The following C7 variants were observed in gnomAD, a reference collection of about 807,000 sequenced individuals.
C7 encodes the protein complement component C7.
A neutral mutation model predicts 104.8 loss-of-function variants in C7; 83 were observed. The observed-to-expected ratio is 0.79, with a 90% confidence interval of 0.66 to 0.95. The LOEUF (loss-of-function observed/expected upper bound fraction) is 0.95, where lower values mean the gene tolerates loss of function less well. C7 is among the 40% of genes least tolerant of loss of function. The pLI is 0.00. For missense variants in C7, 1,070 were observed against 1,011.2 expected (o/e 1.06, Z -0.79); for synonymous variants, 415 against 360.6 (o/e 1.15, Z -1.71).
At chr5:40,981,282 G>C in intron 17 of C7, 110 bp from the exon 18 acceptor site, 1 of 1,042,302 alleles carries the variant, frequency 9.6e-7, no homozygotes, top group Middle Eastern at 2.5e-4. Context: ...TGTCATTCCA[G>C]GCAGGAGCTT....
In C7 at chr5:40,934,307, T is replaced by G. The variant is rs1579847395; in HGVS notation, c.139-18T>G. On this transcript the variant is annotated intron_variant, in intron 3 of 17. Coordinates refer to ENST00000313164, the MANE Select transcript of C7 (RefSeq NM_000587.4). ...ACAAACAAATAAACAAACAAACCAC[T>G]GCCTGCTTTGTGTTTAGACTCGCAG... The G allele has an allele frequency of 6.4e-7, 1 of 1,557,940 alleles. No homozygotes were observed. Among genetic ancestry groups the G allele is most frequent in the South Asian group, 1.2e-5 (1 of 80,114 alleles).
At chr5:40,974,695 G>T (rs1194601964) in intron 15 of C7, among the ~76,000 whole-genome samples, 1 of 152,178 alleles carries the variant, frequency 6.6e-6, no homozygotes, top group East Asian at 1.9e-4. Flanking sequence ...TGGGATTACA[G>T]GCGTGAGCCA....
At chr5:40,946,156 T>TAA (rs903075926) in intron 7 of C7, among the ~76,000 whole-genome samples, 64 of 152,104 alleles carry the variant, frequency 4.2e-4, no homozygotes, top group African/African-American at 1.4e-3. Flanking sequence ...TAAAATACTT[T>TAA]AAAAACACTT....
chr5:40,921,567 C>T (rs761068172), intron 1 of C7, among the ~76,000 whole-genome samples: 4 of 148,070 alleles, frequency 2.7e-5, no homozygotes, highest in Non-Finnish European at 6.0e-5. Flanking sequence ...AAAGCTACAA[C>T]AAAAGTAGAT....
intron 4 of C7, among the ~76,000 whole-genome samples, chr5:40,935,181 G>A (rs954717887): frequency 1.3e-5 from 2 of 152,160 alleles, no homozygotes; most frequent in Non-Finnish European, 2.9e-5. Context: ...CCTTCAGGAA[G>A]CCTGCCCTAA....
Position 40,981,636 on chromosome 5 carries a change from A to G in C7, c.*63A>G, listed in dbSNP as rs1444280618. 3 of 1,420,708 alleles carry G rather than the reference A, an allele frequency of 2.1e-6. No individual in the cohort carries two copies. The highest frequency in any genetic ancestry group is 1.4e-5 in the African/African-American group (1 of 70,502). The allele number at this position is 1,420,708 out of a possible 1,614,324, so 88.0% of individuals were successfully genotyped here. A position where few individuals can be genotyped will look rare whatever the true frequency, so the allele number is the denominator to read the frequency against. On this transcript the variant is annotated 3_prime_UTR_variant, in exon 18 of 18. Transcript: ENST00000313164. The stretch of plus-strand genomic sequence containing the variant: ...CAGGCAGCTGGGGCTGAGTGAAAAC[A>G]TCTGCACAACTGGGCACTGGACAGC...
chr5:40,943,808 A>G (rs1484810230), intron 6 of C7, among the ~76,000 whole-genome samples: 1 of 150,572 alleles, frequency 6.6e-6, no homozygotes, highest in Non-Finnish European at 1.5e-5. Flanking sequence ...ATGCTCTAAT[A>G]AAAGATTTGT....
intron 6 of C7, among the ~76,000 whole-genome samples, chr5:40,941,760 A>G (rs966886243): frequency 1.3e-5 from 2 of 152,206 alleles, no homozygotes; most frequent in Non-Finnish European, 2.9e-5. Context: ...ACCCTCTGAG[A>G]TGGGTAAAGA....
chr5:40,977,152 A>C (rs1482229833), intron 16 of C7, among the ~76,000 whole-genome samples: 1 of 152,228 alleles, frequency 6.6e-6, no homozygotes, highest in Non-Finnish European at 1.5e-5. Context: ...TTAGAGGATT[A>C]GAGGATTAAA....
intron 10 of C7, among the ~76,000 whole-genome samples, chr5:40,956,866 T>C (rs1740300651): frequency 6.6e-6 from 1 of 152,264 alleles, no homozygotes; most frequent in African/African-American, 2.4e-5. Flanking sequence ...GTATTCATTG[T>C]CAGCATCCCA....
intron 1 of C7, among the ~76,000 whole-genome samples, chr5:40,914,662 C>G (rs549032343): frequency 6.6e-6 from 1 of 152,034 alleles, no homozygotes; most frequent in Non-Finnish European, 1.5e-5. Context: ...ACAGGAGGAC[C>G]TTCACATTTT....
At chr5:40,978,126 C>A (rs761761785) in intron 16 of C7, among the ~76,000 whole-genome samples, 4 of 133,640 alleles carry the variant, frequency 3.0e-5, no homozygotes, top group African/African-American at 8.6e-5. Flanking sequence ...CAGAGCCAGA[C>A]CCTATCTCAA....
At chr5:40,925,272 G>C (rs1264698627) in intron 1 of C7, among the ~76,000 whole-genome samples, 1 of 151,952 alleles carries the variant, frequency 6.6e-6, no homozygotes, top group Non-Finnish European at 1.5e-5. Flanking sequence ...TCACTCTTAA[G>C]TTCAAACTTC....
chr5:40,937,761 C>T (rs139255231), intron 6 of C7, 71 bp downstream of exon 6: 24 of 1,276,440 alleles, frequency 1.9e-5, no homozygotes, highest in South Asian at 3.4e-5. Context: ...TTGACTTTTA[C>T]GTATTTGTTG....
At chr5:40,915,367 T>A (rs1739297855) in intron 1 of C7, among the ~76,000 whole-genome samples, 1 of 152,176 alleles carries the variant, frequency 6.6e-6, no homozygotes, top group Non-Finnish European at 1.5e-5. Flanking sequence ...CACTCCTCCC[T>A]CATTACAAGC....
At chr5:40,972,269 A>G (rs2305313) in intron 14 of C7, 134 bp from the exon 15 acceptor site, 198,710 of 735,748 alleles carry the variant, frequency 0.27, 27,843 homozygotes, top group South Asian at 0.41. Context: ...CCACCCTAAC[A>G]GTGAACTTAC....
At chr5:40,917,203 C>A (rs1579835818) in intron 1 of C7, among the ~76,000 whole-genome samples, 1 of 151,624 alleles carries the variant, frequency 6.6e-6, no homozygotes, top group East Asian at 1.9e-4. Context: ...TATGATAGAT[C>A]TCTTGAACTT....
At chr5:40,979,579 G>C in intron 16 of C7, 146 bp from the exon 17 acceptor site, 1 of 587,094 alleles carries the variant, frequency 1.7e-6, no homozygotes, top group Non-Finnish European at 2.9e-6. Flanking sequence ...AGGAATGAAG[G>C]GGATTTGAGT....
At chr5:40,951,128 C>G (rs1196000935) in intron 9 of C7, among the ~76,000 whole-genome samples, 2 of 151,950 alleles carry the variant, frequency 1.3e-5, no homozygotes, top group Admixed American at 1.3e-4. Context: ...AGATAAGGAC[C>G]AAAAAATGTT....
Sources: allele counts gnomAD v4.1 joint callset (sites outside exome capture counted in the v4.1 genomes callset), GRCh38; gene constraint gnomAD v4.1.1; transcripts MANE v1.5; gene names NCBI Gene and HGNC (gene_info 2026-07-23, HGNC 2026-07-21).